KALRN: variants seen among roughly 807,000 people sequenced by gnomAD.
The protein encoded by KALRN is kalirin.
Under a neutral mutation model 353.7 loss-of-function variants are expected in KALRN, and 70 were observed. The ratio of observed to expected loss-of-function variants is 0.20; its 90% confidence interval spans 0.16 to 0.24. The LOEUF (loss-of-function observed/expected upper bound fraction) is 0.24. KALRN is among the 10% of genes least tolerant of loss of function. KALRN has a pLI of 1.00. For synonymous variants in KALRN, 1,391 were observed against 1,434.8 expected, an observed-to-expected ratio of 0.97 and a Z score of 0.69; for missense variants, 2,791 against 3,756.7, an observed-to-expected ratio of 0.74 and a Z score of 6.72.
chr3:124,576,385 A>C (rs1218776300), intron 34 of KALRN, among the ~76,000 whole-genome samples: 1 of 152,106 alleles, frequency 6.6e-6, no homozygotes, highest in Non-Finnish European at 1.5e-5. Flanking sequence ...CGGATCATGC[A>C]TCAGGGACCT....
At chr3:124,115,965 TG>T (rs1336189283) in intron 1 of KALRN, among the ~76,000 whole-genome samples, 11 of 152,370 alleles carry the variant, frequency 7.2e-5, no homozygotes, top group African/African-American at 2.4e-4. Context: ...TATCAGTGTA[TG>T]GTCCACAAAG....
At chr3:124,395,394 G>A (rs1346613136) in intron 12 of KALRN, 51 bp downstream of exon 12, 4 of 1,471,408 alleles carry the variant, frequency 2.7e-6, no homozygotes, top group African/African-American at 2.8e-5. Flanking sequence ...CTAGACGTGA[G>A]ATAAGTCCTG....
intron 33 of KALRN, among the ~76,000 whole-genome samples, chr3:124,542,214 G>A (rs2069111951): frequency 6.6e-6 from 1 of 152,188 alleles, no homozygotes; most frequent in African/African-American, 2.4e-5. Flanking sequence ...AATAAAATAA[G>A]TAAATCATCA....
At chr3:124,703,715 A>C (rs1468361724) in intron 57 of KALRN, among the ~76,000 whole-genome samples, 1 of 152,178 alleles carries the variant, frequency 6.6e-6, no homozygotes, top group African/African-American at 2.4e-5. Flanking sequence ...ATCATAGCTC[A>C]CTGCACCCTC....
intron 3 of KALRN, among the ~76,000 whole-genome samples, chr3:124,248,153 G>T (rs1356699492): frequency 6.6e-6 from 1 of 152,214 alleles, no homozygotes; most frequent in Non-Finnish European, 1.5e-5. Context: ...GGTTGGAATG[G>T]TTGGTTTTGT....
At chr3:124,050,083 A>G (rs1011731330) in intron 1 of KALRN, among the ~76,000 whole-genome samples, 3 of 152,032 alleles carry the variant, frequency 2.0e-5, no homozygotes, top group African/African-American at 7.3e-5. Flanking sequence ...TAGTGATGGG[A>G]GCAAAGGAAG....
At chr3:124,599,196 A>G (rs897917305) in intron 34 of KALRN, among the ~76,000 whole-genome samples, 3 of 152,242 alleles carry the variant, frequency 2.0e-5, no homozygotes, top group Non-Finnish European at 4.4e-5. Flanking sequence ...TTTGCTAACT[A>G]CTATGGGAGA....
rs762988953 is a variant in KALRN, at chr3:124,496,287, G to C, written c.4833-24G>C. On this transcript the variant is annotated intron_variant, in intron 32 of 59. Transcript: ENST00000682506. ...AGTGGTTCCCCCCACCCCCACCCCT[G>C]TTTTTTTTCTCTTCTTCCTGCAGGG... is the stretch of plus-strand genomic sequence containing the variant. 4 of 1,590,834 alleles carry C rather than the reference G, an allele frequency of 2.5e-6. No individual in the cohort carries two copies. In the Admixed American group the frequency reaches 6.7e-5, roughly 27 times the overall value.
intron 1 of KALRN, among the ~76,000 whole-genome samples, chr3:124,168,770 G>A (rs2071276432): frequency 6.6e-6 from 1 of 152,212 alleles, no homozygotes; most frequent in African/African-American, 2.4e-5. Flanking sequence ...ACAGCCACAT[G>A]CCTCAGGTTT....
At chr3:124,425,741 T>C (rs994569759) in intron 15 of KALRN, among the ~76,000 whole-genome samples, 1 of 152,218 alleles carries the variant, frequency 6.6e-6, no homozygotes, top group Non-Finnish European at 1.5e-5. Flanking sequence ...CCTAATTCTC[T>C]TTTCCTTCGC....
chr3:124,563,490 C>T (rs780386076), intron 34 of KALRN, among the ~76,000 whole-genome samples: 1 of 152,188 alleles, frequency 6.6e-6, no homozygotes, highest in Non-Finnish European at 1.5e-5. Flanking sequence ...GGCTCTCTGA[C>T]CCCCGACCAA....
At chr3:124,291,058 G>A (rs1199926269) in intron 5 of KALRN, among the ~76,000 whole-genome samples, 1 of 152,194 alleles carries the variant, frequency 6.6e-6, no homozygotes, top group Non-Finnish European at 1.5e-5. Context: ...CTGATCTACT[G>A]AGAATGATAG....
Position 124,650,868 on chromosome 3 carries a change from G to A in KALRN, c.5725G>A (p.Gly1909Arg). 1 of 1,614,148 alleles carries A rather than the reference G, an allele frequency of 6.2e-7. No individual in the cohort carries two copies. Among genetic ancestry groups the A allele is most frequent in the South Asian group, 1.1e-5 (1 of 91,082 alleles). ...AGACCCTGCAGGCTGCCTGAATGAGGGGATGGCCCCACCCACACCTCCTAA... is the reference window on the plus strand; with the variant it reads ...AGACCCTGCAGGCTGCCTGAATGAGAGGATGGCCCCACCCACACCTCCTAA... Reference protein sequence around the residue: ...LKDPAGCLNEGMAPPTPPKNP... With the variant: ...LKDPAGCLNERMAPPTPPKNP... Residue 1909 changes from glycine (G) to arginine (R), a missense_variant, in exon 38 of 60, where the codon GGG (glycine) becomes AGG (arginine). Coordinates refer to ENST00000682506, the MANE Select transcript of KALRN (RefSeq NM_001388419.1).
At chr3:124,528,936 A>C (rs1181121028) in intron 33 of KALRN, among the ~76,000 whole-genome samples, 3 of 152,228 alleles carry the variant, frequency 2.0e-5, no homozygotes, top group Non-Finnish European at 4.4e-5. Context: ...AAACATACCC[A>C]TATAGGTCAA....
chr3:124,407,438 C>A (rs980028653), intron 13 of KALRN, among the ~76,000 whole-genome samples: 1 of 151,972 alleles, frequency 6.6e-6, no homozygotes, highest in African/African-American at 2.4e-5. Flanking sequence ...AATGTTTATG[C>A]AGAGAACCTG....
In KALRN at chr3:124,694,470, A is replaced by G. The variant is rs751906517; in HGVS notation, c.7544A>G (p.Asp2515Gly). The change falls in exon 53 of 60, where the codon GAT becomes GGT. Residue 2515 changes from aspartate to glycine, a missense_variant. By Grantham distance (94) the Asp-to-Gly change is moderately conservative. This residue lies in a region of KALRN where 1,065 missense variants were observed against 1,156.4 expected (regional missense o/e 0.92). Coordinates refer to ENST00000682506, the MANE Select transcript of KALRN (RefSeq NM_001388419.1). The part of the protein sequence containing the change: ...KGPDQNILDT[D>G]NSSATYTVSS... ...CCAGACCAGAACATCCTTGACACTG[A>G]TAACAGCTCAGCCACATACACGGTC... 4 of 1,614,172 alleles carry G rather than the reference A, an allele frequency of 2.5e-6. No individual in the cohort carries two copies. Among genetic ancestry groups the G allele is most frequent in the Non-Finnish European group, 3.4e-6 (4 of 1,180,026 alleles).
intron 1 of KALRN, among the ~76,000 whole-genome samples, chr3:124,119,571 C>G (rs2063772494): frequency 6.6e-6 from 1 of 152,196 alleles, no homozygotes; most frequent in Admixed American, 6.5e-5. Context: ...TCCTCAGGAT[C>G]TGTCTCAGAT....
intron 25 of KALRN, among the ~76,000 whole-genome samples, chr3:124,466,043 TG>T (rs2060310037): frequency 1.6e-5 from 1 of 62,156 alleles, no homozygotes; most frequent in East Asian, 2.2e-4. Flanking sequence ...TCTGTGTGTG[TG>T]TGTGTGTGTG....
chr3:124,467,847 A>C (rs919956269), intron 25 of KALRN, among the ~76,000 whole-genome samples: 1 of 152,170 alleles, frequency 6.6e-6, no homozygotes, highest in African/African-American at 2.4e-5. Flanking sequence ...TAAGTGAGAA[A>C]ACCATGAAGT....
Sources: gnomAD v4.1 joint callset for allele counts (sites outside exome capture counted in the v4.1 genomes callset) on GRCh38, gnomAD v4.1.1 for gene constraint, gnomAD v4.1.1 regional missense constraint, MANE v1.5 for transcripts, NCBI Gene and HGNC (gene_info 2026-07-23, HGNC 2026-07-21) for gene names.